FHOD3: variants seen among roughly 807,000 people sequenced by gnomAD.
The protein encoded by FHOD3 is FH1/FH2 domain-containing protein 3.
In FHOD3, 90 loss-of-function variants were observed where a neutral mutation model predicts 173.0. The observed-to-expected ratio is 0.52, with a 90% CI of 0.44 to 0.62. The LOEUF is 0.62. Ranked by LOEUF, FHOD3 falls within the 20% of genes least tolerant of loss-of-function variation. The pLI is 0.00. For missense variants in FHOD3, 1,945 were observed against 2,034.7 expected (o/e 0.96, Z 0.85); for synonymous variants, 828 against 823.0 (o/e 1.01, Z -0.10).
chr18:36,528,324 C>T (rs2056621796), intron 5 of FHOD3, among the ~76,000 whole-genome samples: 1 of 152,208 alleles, frequency 6.6e-6, no homozygotes, highest in Non-Finnish European at 1.5e-5. Context: ...CTTAGCTTGT[C>T]CCATCAAGGC....
chr18:36,493,707 T>C (rs1202917497), intron 3 of FHOD3, among the ~76,000 whole-genome samples: 1 of 152,106 alleles, frequency 6.6e-6, no homozygotes, highest in African/African-American at 2.4e-5. Flanking sequence ...TGAAAAACCA[T>C]GATGGTTGTA....
intron 19 of FHOD3, among the ~76,000 whole-genome samples, chr18:36,720,836 C>T (rs1177798429): frequency 6.6e-6 from 1 of 151,646 alleles, no homozygotes; most frequent in Non-Finnish European, 1.5e-5. Flanking sequence ...TGGCTGGCTG[C>T]ACCTCTAGGC....
At chr18:36,572,398 G>A (rs12967267) in intron 5 of FHOD3, among the ~76,000 whole-genome samples, 17,015 of 152,114 alleles carry the variant, frequency 0.11, 1,213 homozygotes, top group East Asian at 0.4. Flanking sequence ...TTTGCTGCTT[G>A]TAGTGCAATA....
At chr18:36,452,769 A>G (rs1391717427) in intron 3 of FHOD3, among the ~76,000 whole-genome samples, 1 of 152,028 alleles carries the variant, frequency 6.6e-6, no homozygotes, top group Non-Finnish European at 1.5e-5. Flanking sequence ...TGCATATAGC[A>G]GGATTTTCTT....
At chr18:36,555,103 A>G (rs2057821609) in intron 5 of FHOD3, among the ~76,000 whole-genome samples, 2 of 151,850 alleles carry the variant, frequency 1.3e-5, no homozygotes, top group South Asian at 4.1e-4. Flanking sequence ...ACCAGCTCTT[A>G]TTTTTCTAAT....
At chr18:36,328,162 G>T (rs549245665) in intron 1 of FHOD3, among the ~76,000 whole-genome samples, 7 of 152,286 alleles carry the variant, frequency 4.6e-5, no homozygotes, top group Admixed American at 3.3e-4. Context: ...GTTCCTGACC[G>T]CATGGACCTG....
At chr18:36,573,862 A>G (rs1317212916) in intron 5 of FHOD3, among the ~76,000 whole-genome samples, 1 of 152,160 alleles carries the variant, frequency 6.6e-6, no homozygotes, top group Non-Finnish European at 1.5e-5. Flanking sequence ...TATTTTGTTT[A>G]AACTTAGAGC....
intron 5 of FHOD3, among the ~76,000 whole-genome samples, chr18:36,570,739 CT>C (rs1188036739): frequency 6.6e-6 from 1 of 152,114 alleles, no homozygotes; most frequent in East Asian, 1.9e-4. Flanking sequence ...GTATAACCTA[CT>C]GCATTAACAA....
chr18:36,591,246 G>A (rs1351657053), intron 6 of FHOD3, among the ~76,000 whole-genome samples: 2 of 152,190 alleles, frequency 1.3e-5, no homozygotes, highest in African/African-American at 4.8e-5. Context: ...CAAGTTATGA[G>A]GGCAGATACT....
rs565732629 is a variant in FHOD3 at position 36,357,854 on chromosome 18, C to G, written c.272+2209C>G. ...TGGTGTTGTGCTTGAGGACCTTGTC[C>G]TCGTTTTTGTTTTCTTCTTTCTTAT... On this transcript the variant is annotated intron_variant, in intron 2 of 28. Coordinates refer to ENST00000590592, the MANE Select transcript of FHOD3 (RefSeq NM_001281740.3). 4.9e-4 allele frequency among the ~76,000 whole-genome samples: 75 copies of G among 152,170 alleles called. 1 individual carries two copies. In the South Asian group the frequency reaches 0.012, roughly 25 times the overall value.
chr18:36,308,259 A>G (rs986716869), intron 1 of FHOD3, among the ~76,000 whole-genome samples: 6 of 152,200 alleles, frequency 3.9e-5, no homozygotes, highest in African/African-American at 1.4e-4. Context: ...CGAATTCTCA[A>G]TGTTTAGTTG....
chr18:36,307,109 A>G (rs2092121170), intron 1 of FHOD3, among the ~76,000 whole-genome samples: 1 of 152,096 alleles, frequency 6.6e-6, no homozygotes, highest in African/African-American at 2.4e-5. Flanking sequence ...GATTACAGGC[A>G]TGCGCCACCA....
chr18:36,747,178 A>G, intron 24 of FHOD3, 43 bp downstream of exon 24: 1 of 1,454,196 alleles, frequency 6.9e-7, no homozygotes, highest in Admixed American at 2.4e-5. Flanking sequence ...GTACAATGGC[A>G]TATTGAAAAA....
chr18:36,774,651 T>C (rs1000308106), intron 28 of FHOD3, among the ~76,000 whole-genome samples: 1 of 152,230 alleles, frequency 6.6e-6, no homozygotes, highest in Non-Finnish European at 1.5e-5. Context: ...GTTTTATCGC[T>C]TCAACGTTTT....
intron 14 of FHOD3, among the ~76,000 whole-genome samples, chr18:36,679,224 AAT>A (rs1275316423): frequency 1.3e-5 from 2 of 152,036 alleles, no homozygotes; most frequent in African/African-American, 4.8e-5. Flanking sequence ...TTATTTTTGT[AAT>A]GTTTTTTGGT....
chr18:36,695,114 G>T (rs2039198225), intron 17 of FHOD3, among the ~76,000 whole-genome samples: 1 of 151,886 alleles, frequency 6.6e-6, no homozygotes, highest in Admixed American at 6.6e-5. Flanking sequence ...AGGCCGAGGT[G>T]GGTGGATCAC....
intron 1 of FHOD3, among the ~76,000 whole-genome samples, chr18:36,302,378 G>A (rs1245612108): frequency 6.6e-6 from 1 of 152,138 alleles, no homozygotes; most frequent in African/African-American, 2.4e-5. Flanking sequence ...GCACACTCAG[G>A]TGCTGCCACC....
chr18:36,370,844 C>G (rs1478293773), intron 2 of FHOD3, among the ~76,000 whole-genome samples: 2 of 152,234 alleles, frequency 1.3e-5, no homozygotes, highest in East Asian at 3.8e-4. Flanking sequence ...CTGCTCCTAG[C>G]TGCTGTCCCC....
intron 3 of FHOD3, among the ~76,000 whole-genome samples, chr18:36,454,039 T>C (rs2144440709): frequency 6.6e-6 from 1 of 152,362 alleles, no homozygotes; most frequent in South Asian, 2.1e-4. Flanking sequence ...CTTTCTTTTA[T>C]TTTATTCTTC....
Sources: gnomAD v4.1 joint callset for allele counts (sites outside exome capture counted in the v4.1 genomes callset) on GRCh38, gnomAD v4.1.1 for gene constraint, MANE v1.5 for transcripts, NCBI Gene and HGNC (gene_info 2026-07-23, HGNC 2026-07-21) for gene names.